The following RAPGEF2 variants were observed in gnomAD, a reference collection of about 807,000 sequenced individuals.
The protein encoded by RAPGEF2 is Rap guanine nucleotide exchange factor 2, also known as PDZ domain containing guanine nucleotide exchange factor (GEF) 1.
A neutral mutation model predicts 186.7 loss-of-function variants in RAPGEF2; 54 were observed. That is an observed-to-expected ratio of 0.29 (90% CI 0.23 to 0.36). The LOEUF is 0.36. RAPGEF2 is among the 10% of genes least tolerant of loss of function. The probability of loss-of-function intolerance (pLI) is 1.00; values close to 1 mark genes in which losing one functional copy is unlikely to be tolerated. For synonymous variants in RAPGEF2, 712 were observed against 705.9 expected (o/e 1.01, Z -0.14); for missense variants, 1,532 against 2,045.0 (o/e 0.75, Z 4.84).
chr4:159,137,726 A>AT (rs397710753), intron 1 of RAPGEF2, among the ~76,000 whole-genome samples: 2 of 150,714 alleles, frequency 1.3e-5, no homozygotes, highest in African/African-American at 4.9e-5. Context: ...AAAAAAAAAA[A>AT]CCTGCAAAGA....
chr4:159,298,355 T>TATAA (rs944697656), intron 7 of RAPGEF2, among the ~76,000 whole-genome samples: 38 of 152,328 alleles, frequency 2.5e-4, no homozygotes, highest in Admixed American at 9.2e-4. Flanking sequence ...CTAGGGTATA[T>TATAA]ATAAAGGGGT....
chr4:159,292,809 T>C (rs78002055), intron 7 of RAPGEF2, among the ~76,000 whole-genome samples: 1,669 of 152,280 alleles, frequency 0.011, 36 homozygotes, highest in African/African-American at 0.038. Flanking sequence ...AGTTTCATCA[T>C]AGAATATTTG....
At chr4:159,124,368 G>A (rs960530211) in intron 1 of RAPGEF2, among the ~76,000 whole-genome samples, 9 of 151,354 alleles carry the variant, frequency 5.9e-5, no homozygotes, top group Admixed American at 5.9e-4. Flanking sequence ...GTGAAACCCC[G>A]TCTCTACCAA....
rs1191816349 is a variant in RAPGEF2, at chr4:159,341,796, G to A, written c.2767G>A (p.Glu923Lys). 3 of 1,613,932 alleles carry A rather than the reference G, an allele frequency of 1.9e-6. No individual in the cohort carries two copies. The highest frequency in any genetic ancestry group is 1.7e-6 in the Non-Finnish European group (2 of 1,179,914). ...CTGTGCCAACCTGAAGAGATTTGAA[G>A]AAGTCATTAACCAGGAAACATTTTG... ...TSCANLKRFEEVINQETFWVA... is the reference protein window; with the variant it reads ...TSCANLKRFEKVINQETFWVA... Residue 923 changes from glutamate to lysine, a missense_variant, in exon 20 of 30, where the codon GAA (glutamate) becomes AAA (lysine). Physicochemically the swap from Glu to Lys is moderately conservative, Grantham distance 56. Coordinates refer to ENST00000691494, the MANE Select transcript of RAPGEF2 (RefSeq NM_001394067.2).
chr4:159,235,920 T>C (rs1391270388), intron 4 of RAPGEF2, among the ~76,000 whole-genome samples: 2 of 152,238 alleles, frequency 1.3e-5, no homozygotes, highest in Non-Finnish European at 2.9e-5. Context: ...TAAGAGCACA[T>C]CATCTCTGTG....
At chr4:159,233,224 C>G (rs1445468352) in intron 4 of RAPGEF2, among the ~76,000 whole-genome samples, 1 of 152,282 alleles carries the variant, frequency 6.6e-6, no homozygotes, top group East Asian at 1.9e-4. Context: ...AGCTAAAAAT[C>G]TATTGCCAAC....
chr4:159,290,168 G>A (rs928138756), intron 7 of RAPGEF2, among the ~76,000 whole-genome samples: 1 of 152,300 alleles, frequency 6.6e-6, no homozygotes, highest in Non-Finnish European at 1.5e-5. Flanking sequence ...AGTGAAGTGG[G>A]TTCATATTTG....
At chr4:159,263,816 T>C (rs1486389063) in intron 7 of RAPGEF2, among the ~76,000 whole-genome samples, 2 of 152,078 alleles carry the variant, frequency 1.3e-5, no homozygotes, top group African/African-American at 2.4e-5. Flanking sequence ...GTGAATACTT[T>C]AGGTGGAAAA....
At chr4:159,282,709 G>C (rs966985589) in intron 7 of RAPGEF2, 1 of 427,118 alleles carries the variant, frequency 2.3e-6, no homozygotes, top group African/African-American at 2.1e-5. Context: ...GATCAAGGTA[G>C]AAATGTCTTT....
chr4:159,147,198 G>A (rs1743041157), intron 1 of RAPGEF2, among the ~76,000 whole-genome samples: 1 of 152,036 alleles, frequency 6.6e-6, no homozygotes, highest in African/African-American at 2.4e-5. Context: ...ATTATTTGCA[G>A]CATAAATGGT....
At chr4:159,252,673 G>T (rs1400906489) in intron 7 of RAPGEF2, among the ~76,000 whole-genome samples, 1 of 152,282 alleles carries the variant, frequency 6.6e-6, no homozygotes, top group East Asian at 1.9e-4. Flanking sequence ...TTGTCAGAGG[G>T]TTCTGCTGAA....
intron 17 of RAPGEF2, among the ~76,000 whole-genome samples, chr4:159,334,188 C>G (rs942600242): frequency 6.6e-6 from 1 of 152,148 alleles, no homozygotes; most frequent in East Asian, 1.9e-4. Flanking sequence ...AAATAACCTT[C>G]GTTGATGAAA....
rs768631650 is a variant in RAPGEF2, at chr4:159,343,440, A to G, written c.3254+36A>G. On this transcript the variant is annotated intron_variant, in intron 22 of 29. Coordinates refer to ENST00000691494, the MANE Select transcript of RAPGEF2 (RefSeq NM_001394067.2). ...CATCTTCAGTGGCACGTGTGAGAGT[A>G]GAGAAGGTTAAATTTAGAGCTTCCC... 3.1e-6 allele frequency: 5 copies of G among 1,599,894 alleles called. No individual in the cohort carries two copies. In the Admixed American group the frequency reaches 8.6e-5, roughly 28 times the overall value.
At chr4:159,271,441 G>A (rs1758119657) in intron 7 of RAPGEF2, among the ~76,000 whole-genome samples, 1 of 152,116 alleles carries the variant, frequency 6.6e-6, no homozygotes, top group African/African-American at 2.4e-5. Flanking sequence ...AATTGCAGTA[G>A]CTGTAACTTA....
chr4:159,355,984 A>C lies in RAPGEF2; in HGVS notation c.4783A>C (p.Arg1595=), dbSNP rs1230884322. Residue 1595 remains arginine (R), a synonymous_variant, in exon 29 of 30, where the codon AGA becomes CGA. Coordinates refer to ENST00000691494, the MANE Select transcript of RAPGEF2 (RefSeq NM_001394067.2). The stretch of plus-strand genomic sequence containing the variant: ...GCCGGACTACAACGTGGCCCTTCAG[A>C]GATCGCGGATGGTCGCACGATCCTC... The part of the protein sequence containing the change: ...KPPDYNVALQ[R]SRMVARSSDT... The C allele has an allele frequency of 3.1e-6, 5 of 1,613,170 alleles. No homozygotes were observed. In the African/African-American group the frequency reaches 6.7e-5, roughly 22 times the overall value.
chr4:159,282,256 A>C (rs1284365533), intron 7 of RAPGEF2, among the ~76,000 whole-genome samples: 1 of 152,194 alleles, frequency 6.6e-6, no homozygotes, highest in Non-Finnish European at 1.5e-5. Context: ...TTTCTGTTGG[A>C]CATCTTAGCT....
chr4:159,352,881 C>G lies in RAPGEF2; in HGVS notation c.4062C>G (p.Thr1354=), dbSNP rs1173295591. The G allele has an allele frequency of 1.2e-6, 2 of 1,614,010 alleles. No individual in the cohort carries two copies. The highest frequency in any genetic ancestry group is 1.3e-5 in the African/African-American group (1 of 74,914). ...NLGMGRMERR[T]MIEPDQYSLG... ...GGATGGGCAGGATGGAGAGGCGGAC[C>G]ATGATTGAACCTGATCAGTATAGCT... Residue 1354 remains threonine (T), a synonymous_variant, in exon 27 of 30, where the codon ACC becomes ACG. Transcript: ENST00000691494.
intron 1 of RAPGEF2, among the ~76,000 whole-genome samples, chr4:159,114,397 C>T (rs945611308): frequency 7.9e-5 from 12 of 151,992 alleles, no homozygotes; most frequent in African/African-American, 1.4e-4. Flanking sequence ...CCACTGCGCC[C>T]GGCCCTAATT....
chr4:159,264,302 G>A (rs1381175599), intron 7 of RAPGEF2, among the ~76,000 whole-genome samples: 2 of 152,186 alleles, frequency 1.3e-5, no homozygotes, highest in East Asian at 1.9e-4. Context: ...GCACAGAAAA[G>A]CATCAGTGCC....
Sources: gnomAD v4.1 joint callset for allele counts (sites outside exome capture counted in the v4.1 genomes callset) on GRCh38, gnomAD v4.1.1 for gene constraint, MANE v1.5 for transcripts, NCBI Gene and HGNC (gene_info 2026-07-23, HGNC 2026-07-21) for gene names.